The following ZNF148 variants were observed in gnomAD, a reference collection of about 807,000 sequenced individuals.
The protein encoded by ZNF148 is zinc finger protein 148.
A neutral mutation model predicts 67.7 loss-of-function variants in ZNF148; 7 were observed. That is an observed-to-expected ratio of 0.10 (90% CI 0.06 to 0.19). The LOEUF (loss-of-function observed/expected upper bound fraction) is 0.19. ZNF148 is among the 10% of genes least tolerant of loss of function. The pLI, the probability that ZNF148 is intolerant of heterozygous loss-of-function variation, is 1.00. For missense variants in ZNF148, 583 were observed against 947.1 expected, an observed-to-expected ratio of 0.62 and a Z score of 5.05; for synonymous variants, 333 against 330.7, an observed-to-expected ratio of 1.01 and a Z score of -0.08.
intron 1 of ZNF148, among the ~76,000 whole-genome samples, chr3:125,362,501 C>T (rs1383368452): frequency 6.6e-6 from 1 of 152,018 alleles, no homozygotes; most frequent in Non-Finnish European, 1.5e-5. Flanking sequence ...ACTAAAAAAT[C>T]TATGTTCCAA....
At chr3:125,309,517 C>A (rs991121589) in intron 4 of ZNF148, among the ~76,000 whole-genome samples, 2 of 151,744 alleles carry the variant, frequency 1.3e-5, no homozygotes, top group African/African-American at 4.8e-5. Flanking sequence ...CAGAAAAAAC[C>A]CATAGTGGAC....
intron 1 of ZNF148, among the ~76,000 whole-genome samples, chr3:125,358,577 T>C (rs1942441515): frequency 6.6e-6 from 1 of 152,234 alleles, no homozygotes; most frequent in South Asian, 2.1e-4. Context: ...CAGAAAAATC[T>C]GTTTCCTAGG....
At chr3:125,334,816 C>T (rs1221218503) in intron 1 of ZNF148, among the ~76,000 whole-genome samples, 1 of 152,146 alleles carries the variant, frequency 6.6e-6, no homozygotes. Flanking sequence ...CACCCACCCT[C>T]ATCTTTCAGA....
At chr3:125,260,384 C>T (rs1937283471) in intron 7 of ZNF148, among the ~76,000 whole-genome samples, 1 of 151,890 alleles carries the variant, frequency 6.6e-6, no homozygotes, top group Non-Finnish European at 1.5e-5. Context: ...TATCATATGA[C>T]CCAGCAATAT....
rs1389308867 is a variant in ZNF148 at position 125,344,482 on chromosome 3, C to CA, written c.-233-13245dup. On this transcript the variant is annotated intron_variant, in intron 1 of 8. Transcript: ENST00000360647. ...TCAAATAAAAATGGGTCCCTTCCAC[C>CA]AAAAAAATTCCCTGAAGACATCATC... The CA allele has an allele frequency of 2.1e-5, 24 of 1,129,036 alleles. No individual in the cohort carries two copies. The Admixed American group carries it at 2.4e-4, about 11-fold the overall frequency. The allele number at this position is 1,129,036 out of a possible 1,614,324, so 69.9% of individuals were successfully genotyped here. A position where few individuals can be genotyped will look rare whatever the true frequency, so the allele number is the denominator to read the frequency against.
chr3:125,309,135 T>G (rs1940059015), intron 4 of ZNF148, among the ~76,000 whole-genome samples: 1 of 152,170 alleles, frequency 6.6e-6, no homozygotes, highest in Non-Finnish European at 1.5e-5. Flanking sequence ...ACTAAAACAT[T>G]TGGTATCTTG....
intron 4 of ZNF148, among the ~76,000 whole-genome samples, chr3:125,311,929 T>C (rs1331112054): frequency 2.0e-5 from 3 of 152,194 alleles, no homozygotes; most frequent in Non-Finnish European, 2.9e-5. Flanking sequence ...CCTATATTTA[T>C]AGGAGAAATC....
chr3:125,263,006 C>G (rs1560123332), intron 7 of ZNF148, among the ~76,000 whole-genome samples: 1 of 152,174 alleles, frequency 6.6e-6, no homozygotes, highest in Non-Finnish European at 1.5e-5. Context: ...TTTTTCCCAC[C>G]ATTCGCTGTA....
chr3:125,246,941 C>T (rs1422963535), intron 7 of ZNF148, among the ~76,000 whole-genome samples: 1 of 152,110 alleles, frequency 6.6e-6, no homozygotes, highest in Non-Finnish European at 1.5e-5. Context: ...ATTTATCAGG[C>T]TAAGTAGAAC....
chr3:125,237,650 T>G (rs1936153949), intron 7 of ZNF148, among the ~76,000 whole-genome samples: 1 of 152,214 alleles, frequency 6.6e-6, no homozygotes, highest in African/African-American at 2.4e-5. Flanking sequence ...AAGTTACAGT[T>G]ATTTATCAAA....
At chr3:125,239,006 A>G (rs1936222979) in intron 7 of ZNF148, among the ~76,000 whole-genome samples, 1 of 152,242 alleles carries the variant, frequency 6.6e-6, no homozygotes, top group Non-Finnish European at 1.5e-5. Context: ...AGCCAGATAC[A>G]AAAGGGCAAA....
intron 7 of ZNF148, among the ~76,000 whole-genome samples, chr3:125,249,320 G>C (rs1334070913): frequency 2.0e-5 from 3 of 151,990 alleles, no homozygotes; most frequent in Non-Finnish European, 4.4e-5. Flanking sequence ...CAACTCAATA[G>C]CAAAAACCTA....
At chr3:125,317,662 T>TAGAGAGAGAGAGAG (rs1553708261) in intron 3 of ZNF148, among the ~76,000 whole-genome samples, 1,147 of 90,026 alleles carry the variant, frequency 0.013, 19 homozygotes, top group African/African-American at 0.026. Context: ...TATATATATA[T>TAGAGAGAGAGAGAG]AGAGAGAGAG....
chr3:125,370,614 A>G (rs1942848797), intron 1 of ZNF148, among the ~76,000 whole-genome samples: 1 of 152,236 alleles, frequency 6.6e-6, no homozygotes, highest in South Asian at 2.1e-4. Flanking sequence ...GACTCTCAAG[A>G]GTTGCCATTA....
At chr3:125,289,527 G>A (rs1266611307) in intron 4 of ZNF148, among the ~76,000 whole-genome samples, 9 of 152,140 alleles carry the variant, frequency 5.9e-5, no homozygotes, top group Admixed American at 3.9e-4. Flanking sequence ...TACAAAATAC[G>A]ATGGTAAAAT....
chr3:125,252,726 C>T (rs540169189), intron 7 of ZNF148, among the ~76,000 whole-genome samples: 4 of 150,132 alleles, frequency 2.7e-5, no homozygotes, highest in Admixed American at 2.7e-4. Flanking sequence ...CGAGATTGTG[C>T]CCCTGCACTC....
chr3:125,250,863 TGTCTGC>T (rs11278645), intron 7 of ZNF148, among the ~76,000 whole-genome samples: 151,933 of 152,220 alleles, frequency 1, 75,831 homozygotes, highest in Middle Eastern at 1. Flanking sequence ...AGGAACAAAT[TGTCTGC>T]GTCTGCTTTC....
At chr3:125,299,741 G>A (rs1579740893) in intron 4 of ZNF148, among the ~76,000 whole-genome samples, 1 of 151,990 alleles carries the variant, frequency 6.6e-6, no homozygotes, top group African/African-American at 2.4e-5. Flanking sequence ...CAATAAACAC[G>A]ACTCTCACCA....
Position 125,232,206 on chromosome 3 carries a change from T to C in ZNF148, c.*135A>G, listed in dbSNP as rs1487820483. ...AACGAAATGCAGTTATTGGATTATCTTGCTATTCATATCAGCTTAACTTGT... is the reference window on the plus strand; with the variant it reads ...AACGAAATGCAGTTATTGGATTATCCTGCTATTCATATCAGCTTAACTTGT... On this transcript the variant is annotated 3_prime_UTR_variant, in exon 9 of 9. Transcript: ENST00000360647. The surrounding 1 kb of genome is among the most constrained non-coding windows in gnomAD (Gnocchi z 4.2). 2 of 1,058,064 alleles carry C rather than the reference T, an allele frequency of 1.9e-6. No homozygotes were observed. Among genetic ancestry groups the C allele is most frequent in the Non-Finnish European group, 2.6e-6 (2 of 766,300 alleles). 65.5% of individuals were successfully genotyped at this position (1,058,064 alleles called of 1,614,324 possible).
Sources: allele counts gnomAD v4.1 joint callset (sites outside exome capture counted in the v4.1 genomes callset), GRCh38; gene constraint gnomAD v4.1.1; non-coding constraint Gnocchi (gnomAD v3.1); transcripts MANE v1.5; gene names NCBI Gene and HGNC (gene_info 2026-07-23, HGNC 2026-07-21).